Variants in ZBTB7C observed in about 807,000 individuals in gnomAD.
ZBTB7C encodes the protein zinc finger and BTB domain-containing protein 7C.
ZBTB7C carries 8 observed loss-of-function variants against 25.7 expected under a neutral mutation model. That is an observed-to-expected ratio of 0.31 (90% CI 0.18 to 0.56). The LOEUF (loss-of-function observed/expected upper bound fraction) is 0.56. ZBTB7C is among the 20% of genes least tolerant of loss of function. The pLI is 0.91. For synonymous variants in ZBTB7C, 394 were observed against 369.0 expected (o/e 1.07, Z -0.78); for missense variants, 824 against 855.2 (o/e 0.96, Z 0.46).
intron 3 of ZBTB7C, among the ~76,000 whole-genome samples, chr18:48,086,133 C>T (rs1429503880): frequency 1.3e-5 from 2 of 152,240 alleles, no homozygotes; most frequent in African/African-American, 4.8e-5. Flanking sequence ...CATTCTGCCC[C>T]TGCCTGCTTC....
rs1048376054 is a variant in ZBTB7C at position 48,055,567 on chromosome 18, C to T, written c.-16-14444G>A. Among the ~76,000 whole-genome samples, 2 of 152,020 alleles carry T rather than the reference C, an allele frequency of 1.3e-5. 1 individual carries two copies. Among genetic ancestry groups the T allele is most frequent in the East Asian group, 3.9e-4 (2 of 5,176 alleles). On this transcript the variant is annotated intron_variant, in intron 3 of 4. Coordinates refer to ENST00000590800, the MANE Select transcript of ZBTB7C (RefSeq NM_001318841.2). ...TGTGCAACAATGCATCACAAGTGCCCGCTTCTGAATGCAGCCTGGGAATCC... is the reference window on the plus strand; with the variant it reads ...TGTGCAACAATGCATCACAAGTGCCTGCTTCTGAATGCAGCCTGGGAATCC...
intron 3 of ZBTB7C, among the ~76,000 whole-genome samples, chr18:48,164,482 A>G (rs1349432117): frequency 6.6e-6 from 1 of 152,188 alleles, no homozygotes; most frequent in East Asian, 1.9e-4. Flanking sequence ...ATATGTATAC[A>G]CAAACATACT....
intron 3 of ZBTB7C, among the ~76,000 whole-genome samples, chr18:48,096,580 C>T (rs2038641887): frequency 6.6e-6 from 1 of 152,190 alleles, no homozygotes; most frequent in Non-Finnish European, 1.5e-5. Context: ...AACTAATGTG[C>T]TCTGCTCCAA....
chr18:48,338,719 C>T (rs1300518399), intron 1 of ZBTB7C, among the ~76,000 whole-genome samples: 1 of 152,198 alleles, frequency 6.6e-6, no homozygotes, highest in African/African-American at 2.4e-5. Context: ...AAACCCTAGC[C>T]ATCGTTCAGA....
At chr18:48,073,144 T>C (rs888936084) in intron 3 of ZBTB7C, among the ~76,000 whole-genome samples, 1 of 152,188 alleles carries the variant, frequency 6.6e-6, no homozygotes, top group Admixed American at 6.5e-5. Flanking sequence ...CTTGGGCAGC[T>C]GCACGTCGCA....
At chr18:48,096,112 T>C (rs1414713538) in intron 3 of ZBTB7C, among the ~76,000 whole-genome samples, 1 of 152,180 alleles carries the variant, frequency 6.6e-6, no homozygotes, top group African/African-American at 2.4e-5. Flanking sequence ...AGCTCTTTTA[T>C]AGAAGTTTCC....
intron 3 of ZBTB7C, among the ~76,000 whole-genome samples, chr18:48,079,303 C>G (rs2037892783): frequency 6.6e-6 from 1 of 152,140 alleles, no homozygotes; most frequent in Non-Finnish European, 1.5e-5. Context: ...GTCCATGGTG[C>G]CCAGCACAGT....
intron 3 of ZBTB7C, among the ~76,000 whole-genome samples, chr18:48,083,335 A>T (rs1189854243): frequency 2.0e-5 from 3 of 152,088 alleles, no homozygotes; most frequent in Admixed American, 2.0e-4. Flanking sequence ...ATTGATGCCA[A>T]ACTAACAATC....
At chr18:48,161,701 G>A (rs1473896831) in intron 3 of ZBTB7C, among the ~76,000 whole-genome samples, 1 of 137,744 alleles carries the variant, frequency 7.3e-6, no homozygotes, top group African/African-American at 2.8e-5. Context: ...GCCCGGCCCG[G>A]CCCGGCCCGG....
Position 48,032,644 on chromosome 18 carries a change from G to A in ZBTB7C, c.1209-2733C>T, listed in dbSNP as rs566584340. On this transcript the variant is annotated intron_variant, in intron 4 of 4. Transcript: ENST00000590800. Reference sequence around the variant, plus strand: ...ATAGAGACAGGGTTTCACCATATTAGCCAGGATGGTCTCGATCTCCTGACC... The same window carrying A: ...ATAGAGACAGGGTTTCACCATATTAACCAGGATGGTCTCGATCTCCTGACC... Among the ~76,000 whole-genome samples the A allele has an allele frequency of 2.0e-5, 3 of 151,606 alleles. No individual in the cohort carries two copies. In the East Asian group the frequency reaches 5.9e-4, roughly 30 times the overall value.
rs1325934078 is a variant in ZBTB7C, at chr18:48,180,344, G to C, written c.-17+5590C>G. 6 of 456,582 alleles carry C rather than the reference G, an allele frequency of 1.3e-5. No homozygotes were observed. In the Admixed American group the frequency reaches 1.4e-4, roughly 11 times the overall value. 28.3% of individuals were successfully genotyped at this position (456,582 alleles called of 1,614,324 possible). A position where few individuals can be genotyped will look rare whatever the true frequency, so the allele number is the denominator to read the frequency against. On this transcript the variant is annotated intron_variant, in intron 3 of 4. Transcript: ENST00000590800. ...CCCCAGCACACCTGTTCATATTTCA[G>C]ATGGAAATGTATTATAAAATCACAC...
chr18:48,269,575 T>C (rs972344257), intron 2 of ZBTB7C, among the ~76,000 whole-genome samples: 5 of 152,162 alleles, frequency 3.3e-5, no homozygotes, highest in African/African-American at 1.2e-4. Context: ...CAGGAGCTTC[T>C]CTCCTTCATG....
intron 2 of ZBTB7C, among the ~76,000 whole-genome samples, chr18:48,286,612 A>G (rs2045062779): frequency 6.6e-6 from 1 of 152,230 alleles, no homozygotes; most frequent in Admixed American, 6.5e-5. Flanking sequence ...GAAATGGGCC[A>G]ACACAGTATT....
intron 1 of ZBTB7C, among the ~76,000 whole-genome samples, chr18:48,358,945 G>A (rs2047039613): frequency 6.6e-6 from 1 of 151,866 alleles, no homozygotes; most frequent in Admixed American, 6.6e-5. Flanking sequence ...GGTCCACAGG[G>A]GCCTTCCTGT....
rs59450489 is a variant in ZBTB7C, at chr18:48,104,541, TTGTATGTA to T, written c.-16-63426_-16-63419del. Among the ~76,000 whole-genome samples, 5 of 151,724 alleles carry T rather than the reference TTGTATGTA, an allele frequency of 3.3e-5. No homozygotes were observed. In the East Asian group the frequency reaches 5.8e-4, roughly 18 times the overall value. On this transcript the variant is annotated intron_variant, in intron 3 of 4. Coordinates refer to ENST00000590800, the MANE Select transcript of ZBTB7C (RefSeq NM_001318841.2). ...TTCTGTGAATTACATCTCAGTAAAGTTGTATGTATGTATGTATGTATGTACATATGTAT... is the reference window on the plus strand; with the variant it reads ...TTCTGTGAATTACATCTCAGTAAAGTTGTATGTATGTATGTACATATGTAT...
intron 3 of ZBTB7C, among the ~76,000 whole-genome samples, chr18:48,132,458 C>T (rs2040016067): frequency 6.6e-6 from 1 of 152,098 alleles, no homozygotes; most frequent in African/African-American, 2.4e-5. Context: ...ACAGTATTTC[C>T]TTTGGAGTAA....
intron 3 of ZBTB7C, among the ~76,000 whole-genome samples, chr18:48,176,654 C>A (rs2041689800): frequency 9.8e-6 from 1 of 102,228 alleles, no homozygotes; most frequent in East Asian, 2.7e-4. Context: ...AGAAAGAACA[C>A]AAATGATTAA....
intron 2 of ZBTB7C, among the ~76,000 whole-genome samples, chr18:48,264,752 GAC>G (rs1427579021): frequency 6.6e-6 from 1 of 152,144 alleles, no homozygotes; most frequent in East Asian, 1.9e-4. Context: ...TCATGTGGTG[GAC>G]ACTCCCCCAA....
chr18:48,103,209 G>A (rs1157288302), intron 3 of ZBTB7C, among the ~76,000 whole-genome samples: 1 of 150,686 alleles, frequency 6.6e-6, no homozygotes, highest in Non-Finnish European at 1.5e-5. Flanking sequence ...CCTAAGACAC[G>A]CAAAGGTCAG....
Sources: gnomAD v4.1 joint callset for allele counts (sites outside exome capture counted in the v4.1 genomes callset) on GRCh38, gnomAD v4.1.1 for gene constraint, MANE v1.5 for transcripts, NCBI Gene and HGNC (gene_info 2026-07-23, HGNC 2026-07-21) for gene names.